Variants in SRPK2 observed in about 807,000 individuals in gnomAD.
SRPK2 encodes SRSF protein kinase 2.
Under a neutral mutation model 90.8 loss-of-function variants are expected in SRPK2, and 21 were observed. That is an observed-to-expected ratio of 0.23 (90% CI 0.16 to 0.33). SRPK2 has a LOEUF of 0.33. Among genes scored for constraint, SRPK2 ranks in the 10% least tolerant of loss-of-function variants. The pLI is 1.00. For missense variants in SRPK2, 620 were observed against 869.0 expected, an observed-to-expected ratio of 0.71 and a Z score of 3.60; for synonymous variants, 288 against 311.1, an observed-to-expected ratio of 0.93 and a Z score of 0.78.
chr7:105,260,195 A>G (rs200612830), intron 2 of SRPK2, among the ~76,000 whole-genome samples: 9 of 152,168 alleles, frequency 5.9e-5, no homozygotes, highest in Non-Finnish European at 1.0e-4. Context: ...TACAAGAAAA[A>G]AACAACCCCA....
intron 2 of SRPK2, among the ~76,000 whole-genome samples, chr7:105,232,909 A>G (rs1381883718): frequency 3.9e-5 from 6 of 151,960 alleles, no homozygotes. Flanking sequence ...GCTATTCAGG[A>G]GCCTGAGGCA....
chr7:105,216,472 T>C (rs1797481351), intron 2 of SRPK2, among the ~76,000 whole-genome samples: 1 of 151,836 alleles, frequency 6.6e-6, no homozygotes, highest in Non-Finnish European at 1.5e-5. Flanking sequence ...GCCAATATGG[T>C]GAAAACTCAT....
chr7:105,225,768 TATAA>T (rs1449124905), intron 2 of SRPK2, among the ~76,000 whole-genome samples: 1 of 149,612 alleles, frequency 6.7e-6, no homozygotes, highest in East Asian at 2.0e-4. Context: ...TGCTTTTCCT[TATAA>T]ATGTCTTACA....
intron 2 of SRPK2, among the ~76,000 whole-genome samples, chr7:105,240,171 A>G (rs539250277): frequency 2.2e-4 from 33 of 152,298 alleles, no homozygotes; most frequent in Middle Eastern, 3.4e-3. Flanking sequence ...CCTAGCTCAC[A>G]GGTGGGGCCT....
intron 7 of SRPK2, among the ~76,000 whole-genome samples, chr7:105,155,548 T>C (rs558812507): frequency 6.6e-6 from 1 of 152,338 alleles, no homozygotes; most frequent in South Asian, 2.1e-4. Flanking sequence ...CAGCTGATAC[T>C]GGCTCTGAGG....
At chr7:105,130,364 A>C (rs1801819040) in intron 13 of SRPK2, among the ~76,000 whole-genome samples, 1 of 152,210 alleles carries the variant, frequency 6.6e-6, no homozygotes, top group South Asian at 2.1e-4. Context: ...CAGCCTAGAC[A>C]ACGTGACAAA....
intron 2 of SRPK2, chr7:105,204,987 T>C (rs1314782946): frequency 7.2e-6 from 2 of 277,040 alleles, no homozygotes; most frequent in Non-Finnish European, 1.4e-5. Flanking sequence ...GCCTGCGGCA[T>C]ACAGTCAAAG....
intron 2 of SRPK2, among the ~76,000 whole-genome samples, chr7:105,370,091 A>G (rs924898357): frequency 6.6e-6 from 1 of 152,132 alleles, no homozygotes; most frequent in Non-Finnish European, 1.5e-5. Flanking sequence ...ACACAGTGGC[A>G]ACCTTTGTAC....
chr7:105,351,769 A>G (rs1325709734), intron 2 of SRPK2, among the ~76,000 whole-genome samples: 1 of 150,164 alleles, frequency 6.7e-6, no homozygotes, highest in Non-Finnish European at 1.5e-5. Flanking sequence ...GTGCCATTGC[A>G]CTCCAGCCTG....
chr7:105,389,153 G>T, upstream of SRPK2: 1 of 1,013,300 alleles, frequency 9.9e-7, no homozygotes, highest in Non-Finnish European at 1.2e-6. Context: ...TCCGCCTCCT[G>T]CGATCCTGCG....
chr7:105,177,255 G>A (rs1447418674), intron 3 of SRPK2, among the ~76,000 whole-genome samples: 1 of 151,896 alleles, frequency 6.6e-6, no homozygotes, highest in Non-Finnish European at 1.5e-5. Flanking sequence ...GGCATGACTT[G>A]CTATTATGTA....
chr7:105,187,135 T>A (rs1391125419), intron 3 of SRPK2, among the ~76,000 whole-genome samples: 1 of 152,184 alleles, frequency 6.6e-6, no homozygotes, highest in African/African-American at 2.4e-5. Context: ...GGATAATTTA[T>A]TATACAACAA....
In SRPK2 at chr7:105,126,982, C is replaced by G; in HGVS notation, c.1822+11G>C. ...CCTAGACCGAGGTATTCAGCAGGCA[C>G]CAATACTCACCTTCGTCTCTGGAAT... is the stretch of plus-strand genomic sequence containing the variant. On this transcript the variant is annotated intron_variant, in intron 14 of 15. Transcript: ENST00000393651. 6.2e-7 allele frequency: 1 copy of G among 1,614,028 alleles called. No individual in the cohort carries two copies. Among genetic ancestry groups the G allele is most frequent in the Non-Finnish European group, 8.5e-7 (1 of 1,179,888 alleles).
chr7:105,379,802 C>A (rs1176110873), intron 2 of SRPK2, among the ~76,000 whole-genome samples: 1 of 152,134 alleles, frequency 6.6e-6, no homozygotes, highest in Non-Finnish European at 1.5e-5. Context: ...CATGGTGAAA[C>A]CTCGTCTCTA....
intron 2 of SRPK2, among the ~76,000 whole-genome samples, chr7:105,287,273 A>G (rs1230825768): frequency 1.5e-5 from 2 of 134,832 alleles, no homozygotes; most frequent in Non-Finnish European, 3.1e-5. Context: ...AAAAAAAAAA[A>G]AAAAAAAAAA....
intron 2 of SRPK2, among the ~76,000 whole-genome samples, chr7:105,319,304 G>C (rs1044306452): frequency 6.6e-6 from 1 of 151,984 alleles, no homozygotes; most frequent in Admixed American, 6.6e-5. Context: ...CCATAGGTTC[G>C]TTTCTAAGAA....
At chr7:105,266,409 C>T (rs1183877808) in intron 2 of SRPK2, among the ~76,000 whole-genome samples, 1 of 152,062 alleles carries the variant, frequency 6.6e-6, no homozygotes, top group Admixed American at 6.6e-5. Context: ...TTTAGAGGTA[C>T]TTTTCTCTAC....
chr7:105,247,858 T>C (rs1801917673), intron 2 of SRPK2, among the ~76,000 whole-genome samples: 3 of 151,806 alleles, frequency 2.0e-5, no homozygotes, highest in African/African-American at 7.3e-5. Flanking sequence ...CTGTCATGCT[T>C]GGCCTTAACA....
In SRPK2 at chr7:105,311,787, CTG is replaced by C. The variant is rs60283654; in HGVS notation, c.71+76859_71+76860del. ...GTCATCATGTAAAATAGTTCTGACA[CTG>C]TGAAAAAGTGTGGTGGTTCCTCAAA... On this transcript the variant is annotated intron_variant, in intron 2 of 15. Coordinates refer to ENST00000393651, the MANE Select transcript of SRPK2 (RefSeq NM_182692.3). Among the ~76,000 whole-genome samples, 780 of 152,282 alleles carry C rather than the reference CTG, an allele frequency of 5.1e-3. 13 individuals are homozygous for C. The East Asian group carries it at 0.055, about 11-fold the overall frequency.
Sources: allele counts gnomAD v4.1 joint callset (sites outside exome capture counted in the v4.1 genomes callset), GRCh38; gene constraint gnomAD v4.1.1; transcripts MANE v1.5; gene names NCBI Gene and HGNC (gene_info 2026-07-23, HGNC 2026-07-21).